ISYNA1: variants seen among roughly 807,000 people sequenced by gnomAD.
ISYNA1 encodes MI-1-P synthase.
Under a neutral mutation model 50.3 loss-of-function variants are expected in ISYNA1, and 34 were observed. That is an observed-to-expected ratio of 0.68 (90% CI 0.51 to 0.90). The LOEUF is 0.90. Among genes scored for constraint, ISYNA1 ranks in the 40% least tolerant of loss-of-function variants. The probability of loss-of-function intolerance (pLI) is 0.00; values close to 1 mark genes in which losing one functional copy is unlikely to be tolerated. For synonymous variants in ISYNA1, 396 were observed against 349.9 expected (o/e 1.13, Z -1.47); for missense variants, 718 against 784.8 (o/e 0.91, Z 1.02).
rs746626908 is a variant in ISYNA1, at chr19:18,435,308, T to C, written c.1430A>G (p.Asn477Ser). 2.5e-5 allele frequency: 41 copies of C among 1,607,890 alleles called. No homozygotes were observed. Among genetic ancestry groups the C allele is most frequent in the East Asian group, 6.7e-5 (3 of 44,890 alleles). Residue 477 changes from asparagine (N) to serine (S), a missense_variant, in exon 10 of 11, where the codon AAT (asparagine) becomes AGT (serine). Physicochemically the swap from Asn to Ser is conservative, Grantham distance 46. Coordinates refer to ENST00000338128, the MANE Select transcript of ISYNA1 (RefSeq NM_016368.5). ...PLVPPGSPVV[N>S]ALFRQRSCIE... is the part of the protein sequence containing the mutation. Reference sequence around the variant, plus strand: ...GCAGCTGCGCTGGCGGAAAAGCGCATTGACCACCGGGCTGCCGGGCGGCAC... The same window carrying C: ...GCAGCTGCGCTGGCGGAAAAGCGCACTGACCACCGGGCTGCCGGGCGGCAC...
Position 18,435,394 on chromosome 19 carries a change from G to A in ISYNA1, c.1344C>T (p.Pro448=), listed in dbSNP as rs1301835348. Residue 448 remains proline, a synonymous_variant, in exon 10 of 11, where the codon CCC becomes CCT. Coordinates refer to ENST00000338128, the MANE Select transcript of ISYNA1 (RefSeq NM_016368.5). ...QRVSFCTDMD[P]EPQTFHPVLS... ...GCACGGGGTGGAAGGTCTGCGGCTCGGGGTCCATGTCAGTGCAGAAGCTCA... is the reference window on the plus strand; with the variant it reads ...GCACGGGGTGGAAGGTCTGCGGCTCAGGGTCCATGTCAGTGCAGAAGCTCA... 4 of 1,611,428 alleles carry A rather than the reference G, an allele frequency of 2.5e-6. No homozygotes were observed. Among genetic ancestry groups the A allele is most frequent in the Non-Finnish European group, 3.4e-6 (4 of 1,179,950 alleles).
intron 5 of ISYNA1, 50 bp downstream of exon 5, chr19:18,436,634 G>A: frequency 6.3e-7 from 1 of 1,592,452 alleles, no homozygotes; most frequent in South Asian, 1.1e-5. Context: ...AGGGAACCAA[G>A]TGGCGAAGAA....
chr19:18,435,187 A>G (rs1600387923), intron 10 of ISYNA1, 70 bp from the exon 11 acceptor site: 3 of 1,597,550 alleles, frequency 1.9e-6, no homozygotes, highest in Non-Finnish European at 1.7e-6. Flanking sequence ...CCTGCCACCT[A>G]CAGCCCCCCA....
chr19:18,437,349 C>T, intron 3 of ISYNA1: 1 of 1,379,338 alleles, frequency 7.2e-7, no homozygotes, highest in South Asian at 1.6e-5. Context: ...TCCACGGGGT[C>T]CGCCTGCAGC....
chr19:18,436,846 C>G lies in ISYNA1; in HGVS notation c.447G>C (p.Glu149Asp). The G allele has an allele frequency of 6.3e-7, 1 of 1,597,530 alleles. No individual in the cohort carries two copies. Among genetic ancestry groups the G allele is most frequent in the Non-Finnish European group, 8.5e-7 (1 of 1,174,800 alleles). The change falls in exon 5 of 11, where the codon GAG becomes GAC. Residue 149 changes from glutamate (E) to aspartate (D), a missense_variant. Physicochemically the swap from Glu to Asp is conservative, Grantham distance 45. Transcript: ENST00000338128. ...CCAGCACCTTCGCGCGCCGCATCGC[C>G]TCGGCCAGGTTCAGCGACGAGATGT... The part of the protein sequence containing the change: ...GWDISSLNLA[E>D]AMRRAKVLDW...
chr19:18,435,492 C>T lies in ISYNA1; in HGVS notation c.1255-9G>A. The T allele has an allele frequency of 1.2e-6, 2 of 1,608,176 alleles. No individual in the cohort carries two copies. Among genetic ancestry groups the T allele is most frequent in the Non-Finnish European group, 1.7e-6 (2 of 1,179,356 alleles). On this transcript the variant is annotated splice_polypyrimidine_tract_variant and intron_variant, in intron 9 of 10. Coordinates refer to ENST00000338128, the MANE Select transcript of ISYNA1 (RefSeq NM_016368.5). ...GCGGCCAGCAGCGAGTCCTGCGGGG[C>T]GGGTGGGTCAGGAGATGGGGGCGGT...
In ISYNA1 at chr19:18,436,895, C is replaced by T. The variant is rs1280378562; in HGVS notation, c.416-18G>A. 1 of 1,594,998 alleles carries T rather than the reference C, an allele frequency of 6.3e-7. No homozygotes were observed. On this transcript the variant is annotated intron_variant, in intron 4 of 10. Coordinates refer to ENST00000338128, the MANE Select transcript of ISYNA1 (RefSeq NM_016368.5). ...GTCCCAGCCTGGGGGGACCCTCACA[C>T]TCGGCCCTGCCCGGATCCTGGGCCC...
Position 18,437,846 on chromosome 19 carries a change from GCCCCCT to G in ISYNA1, c.120+8_120+13del. 6.2e-7 allele frequency: 1 copy of G among 1,610,794 alleles called. No individual in the cohort carries two copies. Among genetic ancestry groups the G allele is most frequent in the Non-Finnish European group, 8.5e-7 (1 of 1,179,628 alleles). ...TCTCCCCAGCACGCCTCCTTCCTCA[GCCCCCT>G]GGTCCACCTTGAGAACGCCACCCTC... is the stretch of plus-strand genomic sequence containing the variant. On this transcript the variant is annotated splice_region_variant and intron_variant, in intron 2 of 10. Coordinates refer to ENST00000338128, the MANE Select transcript of ISYNA1 (RefSeq NM_016368.5).
chr19:18,437,241 G>T, intron 3 of ISYNA1, 136 bp from the exon 4 acceptor site: 1 of 1,440,802 alleles, frequency 6.9e-7, no homozygotes. Context: ...AGCCAGGACG[G>T]AAGCCGCTGC....
rs776787938 is a variant in ISYNA1 at position 18,436,444 on chromosome 19, C to T, written c.645G>A (p.Arg215=). The T allele has an allele frequency of 6.2e-7, 1 of 1,608,486 alleles. No homozygotes were observed. The highest frequency in any genetic ancestry group is 8.5e-7 in the Non-Finnish European group (1 of 1,179,864). The change falls in exon 6 of 11, where the codon CGG becomes CGA. Residue 215 remains arginine (R), a synonymous_variant. Transcript: ENST00000338128. ...TGACTTTGTCCAGCCCCGCGCTAGA[C>T]CGGAAGTCTCGGATGTCCCTGCGGA... ...EQIRRDIRDF[R]SSAGLDKVIV...
In ISYNA1 at chr19:18,437,631, G is replaced by T. The variant is rs774522812; in HGVS notation, c.250C>A (p.Arg84Ser). 10 of 1,479,398 alleles carry T rather than the reference G, an allele frequency of 6.8e-6. 1 individual carries two copies. The Admixed American group carries it at 1.8e-4, about 27-fold the overall frequency. 91.6% of individuals were successfully genotyped at this position (1,479,398 alleles called of 1,614,324 possible). ...LTAAVLANRL[R>S]LSWPTRSGRK... ...CCGCTGCGCGTGGGCCAGGACAAAC[G>T]CAGTCGATTGGCCAGCACCGCGGCG... Residue 84 changes from arginine to serine, a missense_variant, in exon 3 of 11, where the codon CGT becomes AGT. Physicochemically the swap from Arg to Ser is moderately radical, Grantham distance 110. Transcript: ENST00000338128.
At chr19:18,437,543 C>G in intron 3 of ISYNA1, 56 bp downstream of exon 3, 1 of 1,306,800 alleles carries the variant, frequency 7.7e-7, no homozygotes, top group South Asian at 1.6e-5. Context: ...CTCCCGCCCC[C>G]GCCCGCAAGG....
Position 18,437,941 on chromosome 19 carries a change from G to C in ISYNA1, c.39C>G (p.Asp13Glu). The change falls in exon 2 of 11, where the codon GAC (aspartate) becomes GAG (glutamate). Residue 13 changes from aspartate to glutamate, a missense_variant. Transcript: ENST00000338128. ...CGATGGCCTCGGGGCCGTAGACCACGTCCGGGCTCTCGACGAAGAACTGGG... is the reference window on the plus strand; with the variant it reads ...CGATGGCCTCGGGGCCGTAGACCACCTCCGGGCTCTCGACGAAGAACTGGG... ...AAAQFFVESP[D>E]VVYGPEAIEA... is the part of the protein sequence containing the mutation. 6.2e-7 allele frequency: 1 copy of C among 1,606,716 alleles called. No homozygotes were observed. The highest frequency in any genetic ancestry group is 8.5e-7 in the Non-Finnish European group (1 of 1,177,702).
chr19:18,435,972 G>A (rs747067176), intron 7 of ISYNA1, 51 bp from the exon 8 acceptor site: 3 of 1,612,754 alleles, frequency 1.9e-6, no homozygotes, highest in Admixed American at 1.7e-5. Flanking sequence ...GGCCCCACAA[G>A]CCAGGTGCTC....
chr19:18,438,092 C>A lies in ISYNA1; in HGVS notation c.-10+1G>T, dbSNP rs949640068. 4.2e-6 allele frequency: 5 copies of A among 1,183,418 alleles called. No homozygotes were observed. In the South Asian group the frequency reaches 8.3e-5, roughly 20 times the overall value. The allele number at this position is 1,183,418 out of a possible 1,614,324, so 73.3% of individuals were successfully genotyped here. A position where few individuals can be genotyped will look rare whatever the true frequency, so the allele number is the denominator to read the frequency against. On this transcript the variant is annotated splice_donor_variant, in intron 1 of 10. Coordinates refer to ENST00000338128, the MANE Select transcript of ISYNA1 (RefSeq NM_016368.5). LOFTEE classifies it low-confidence loss of function (5UTR_SPLICE). ...CCGTCCCTGCCCCGAACCGCACTCA[C>A]CGGCGCAGAGTCGACTCAGGCAGCG...
chr19:18,436,167 C>A lies in ISYNA1; in HGVS notation c.840G>T (p.Pro280=). ...GAGCTCCGGGCACCAGGGTGTTCTG[C>A]GGAGACCCATTGAGGAAGGCACAGC... The part of the protein sequence containing the change: ...LEGCAFLNGS[P]QNTLVPGALE... Residue 280 remains proline, a synonymous_variant, in exon 7 of 11, where the codon CCG becomes CCT. Transcript: ENST00000338128. 1 of 1,612,124 alleles carries A rather than the reference C, an allele frequency of 6.2e-7. No individual in the cohort carries two copies.
rs546911488 is a variant in ISYNA1, at chr19:18,436,254, G to A, written c.760-7C>T. On this transcript the variant is annotated splice_region_variant and splice_polypyrimidine_tract_variant and intron_variant, in intron 6 of 10. Coordinates refer to ENST00000338128, the MANE Select transcript of ISYNA1 (RefSeq NM_016368.5). ...GCGACACCTCCAGACCGAGCTGTGGGCAAGGCGGGCAGTCAGCACAGAGCT... is the reference window on the plus strand; with the variant it reads ...GCGACACCTCCAGACCGAGCTGTGGACAAGGCGGGCAGTCAGCACAGAGCT... The A allele has an allele frequency of 6.2e-7, 1 of 1,607,778 alleles. No individual in the cohort carries two copies. Among genetic ancestry groups the A allele is most frequent in the Non-Finnish European group, 8.5e-7 (1 of 1,179,776 alleles).
At chr19:18,436,558 G>A (rs1486295152) in intron 5 of ISYNA1, 79 bp from the exon 6 acceptor site, 3 of 1,597,760 alleles carry the variant, frequency 1.9e-6, no homozygotes, top group South Asian at 1.1e-5. Flanking sequence ...CGGACTCACA[G>A]AGGCCTGGGC....
Position 18,435,881 on chromosome 19 carries a change from T to C in ISYNA1, c.1016A>G (p.Asp339Gly). The change falls in exon 8 of 11, where the codon GAT (aspartate) becomes GGT (glycine). Residue 339 changes from aspartate to glycine, a missense_variant. Coordinates refer to ENST00000338128, the MANE Select transcript of ISYNA1 (RefSeq NM_016368.5). ...IVSYNHLGNNDGENLSAPLQF... is the reference protein window; with the variant it reads ...IVSYNHLGNNGGENLSAPLQF... ...CAATGGCGCCGATAGGTTCTCCCCA[T>C]CGTTGTTGCCCAGGTGGTTGTAACT... 3 of 1,614,008 alleles carry C rather than the reference T, an allele frequency of 1.9e-6. No individual in the cohort carries two copies. The highest frequency in any genetic ancestry group is 2.5e-6 in the Non-Finnish European group (3 of 1,179,946).
Sources: gnomAD v4.1 joint callset for allele counts on GRCh38, gnomAD v4.1.1 for gene constraint, MANE v1.5 for transcripts, NCBI Gene and HGNC (gene_info 2026-07-23, HGNC 2026-07-21) for gene names.